CORO7: variants seen among roughly 807,000 people sequenced by gnomAD.
CORO7 encodes coronin 7.
A neutral mutation model predicts 126.6 loss-of-function variants in CORO7; 107 were observed. The observed-to-expected ratio is 0.85, with a 90% CI of 0.72 to 0.99. CORO7 has a LOEUF of 0.99. Among genes scored for constraint, CORO7 ranks in the 50% least tolerant of loss-of-function variants. The pLI, the probability that CORO7 is intolerant of heterozygous loss-of-function variation, is 0.00. For missense variants in CORO7, 1,314 were observed against 1,255.8 expected, an observed-to-expected ratio of 1.05 and a Z score of -0.70; for synonymous variants, 603 against 536.8, an observed-to-expected ratio of 1.12 and a Z score of -1.70.
Position 4,362,212 on chromosome 16 carries a change from G to A in CORO7, c.1403-52C>T, listed in dbSNP as rs112909993. 2.5e-4 allele frequency: 382 copies of A among 1,558,362 alleles called. 5 individuals carry two copies. The highest frequency in any genetic ancestry group is 2.1e-3 in the South Asian group (175 of 84,266). On this transcript the variant is annotated intron_variant, in intron 15 of 27. Coordinates refer to ENST00000251166, the MANE Select transcript of CORO7 (RefSeq NM_024535.5). The surrounding 1 kb of genome is among the most constrained non-coding windows in gnomAD (Gnocchi z 5.3). Reference sequence around the variant, plus strand: ...ACGTGTGAGGATGCCGTCCCCGCCCGCCCTGCACTCTTTGAGTCCCGGCTG... The same window carrying A: ...ACGTGTGAGGATGCCGTCCCCGCCCACCCTGCACTCTTTGAGTCCCGGCTG...
At chr16:4,414,568 C>G (rs935409653) in intron 1 of CORO7, 1 of 152,250 alleles carries the variant, frequency 6.6e-6, no homozygotes, top group African/African-American at 2.4e-5. Context: ...CAGTCCCACC[C>G]TATTATTTCT....
Position 4,364,777 on chromosome 16 carries a change from T to C in CORO7, c.1042A>G (p.Lys348Glu), listed in dbSNP as rs758062699. Residue 348 changes from lysine to glutamate, a missense_variant and splice_region_variant, in exon 12 of 28, where the codon AAG (lysine) becomes GAG (glutamate). Lys to Glu is a moderately conservative substitution (Grantham distance 56). Coordinates refer to ENST00000251166, the MANE Select transcript of CORO7 (RefSeq NM_024535.5). ...TCCCTCGCCCAAGTCCCCCTCACCT[T>C]GCGGGGCACATGGTAGCCGATGGGC... ...IVPIGYHVPRKAVEFHEDLFP... is the reference protein window; with the variant it reads ...IVPIGYHVPREAVEFHEDLFP... 1.2e-6 allele frequency: 2 copies of C among 1,610,324 alleles called. No individual in the cohort carries two copies. Among genetic ancestry groups the C allele is most frequent in the East Asian group, 4.5e-5 (2 of 44,834 alleles).
chr16:4,383,639 C>T (rs1567276895), intron 9 of CORO7: 1 of 166,540 alleles, frequency 6.0e-6, no homozygotes, highest in Non-Finnish European at 1.5e-5. Flanking sequence ...GGGCAGCCCT[C>T]CCAGGTGTCC....
chr16:4,398,614 C>T (rs1019359290), intron 6 of CORO7, among the ~76,000 whole-genome samples: 2 of 149,402 alleles, frequency 1.3e-5, no homozygotes, highest in African/African-American at 4.9e-5. Flanking sequence ...TGCAGTGAAC[C>T]GAGATCATGC....
chr16:4,402,869 T>G (rs1400938408), intron 6 of CORO7, among the ~76,000 whole-genome samples: 29 of 152,086 alleles, frequency 1.9e-4, no homozygotes, highest in Admixed American at 1.8e-3. Flanking sequence ...GCCCCTTCTC[T>G]CCCAGCTCGG....
chr16:4,399,141 T>C (rs1375575520), intron 6 of CORO7, among the ~76,000 whole-genome samples: 1 of 152,134 alleles, frequency 6.6e-6, no homozygotes, highest in African/African-American at 2.4e-5. Context: ...TCTGGGTACA[T>C]ATCCAAAAGA....
chr16:4,381,174 C>T lies in CORO7; in HGVS notation c.785+6812G>A, dbSNP rs370759137. On this transcript the variant is annotated intron_variant, in intron 9 of 27. Transcript: ENST00000251166. Reference sequence around the variant, plus strand: ...TGCCCAGCGGGGTCTTCCAGCCACTCGCCAACCTCAGCAACCTGGACCTGA... The same window carrying T: ...TGCCCAGCGGGGTCTTCCAGCCACTTGCCAACCTCAGCAACCTGGACCTGA... 16 of 1,611,728 alleles carry T rather than the reference C, an allele frequency of 9.9e-6. No homozygotes were observed. In the East Asian group the frequency reaches 1.1e-4, roughly 11 times the overall value.
intron 2 of CORO7, 99 bp from the exon 3 acceptor site, chr16:4,412,529 G>C: frequency 8.1e-7 from 1 of 1,238,278 alleles, no homozygotes; most frequent in Non-Finnish European, 1.2e-6. Context: ...CTCAGCCTCG[G>C]ACCTTCCCAG....
In CORO7 at chr16:4,382,563, C is replaced by A. The variant is rs2055029369; in HGVS notation, c.785+5423G>T. 1.2e-5 allele frequency: 19 copies of A among 1,593,338 alleles called. 1 individual carries two copies. In the South Asian group the frequency reaches 1.5e-4, roughly 12 times the overall value. On this transcript the variant is annotated intron_variant, in intron 9 of 27. Coordinates refer to ENST00000251166, the MANE Select transcript of CORO7 (RefSeq NM_024535.5). ...ATACACCCCCAGCCGTCCACTCCAA[C>A]CACGCCCCAGTCACCCAGGCCCGCG...
chr16:4,395,486 C>T, intron 6 of CORO7, 147 bp from the exon 7 acceptor site: 1 of 1,025,510 alleles, frequency 9.8e-7, no homozygotes. Flanking sequence ...GGCATCCCTC[C>T]TCAGCCCTGT....
chr16:4,365,632 C>T (rs2054325464), intron 9 of CORO7, 87 bp from the exon 10 acceptor site: 2 of 1,514,120 alleles, frequency 1.3e-6, no homozygotes, highest in African/African-American at 1.4e-5. Flanking sequence ...GGACAGGCAC[C>T]ACAGTGACTG....
Position 4,361,085 on chromosome 16 carries a change from C to A in CORO7, c.1775G>T (p.Gly592Val), listed in dbSNP as rs1405215799. 1.9e-6 allele frequency: 3 copies of A among 1,613,292 alleles called. No homozygotes were observed. The highest frequency in any genetic ancestry group is 2.5e-6 in the Non-Finnish European group (3 of 1,180,006). Residue 592 changes from glycine to valine, a missense_variant and splice_region_variant, in exon 19 of 28, where the codon GGC becomes GTC. Transcript: ENST00000251166. ...CAGGGAGCAGATCTTCTCCGTGTGG[C>A]CTGGAGGAAGGCAGGGGTGATCAGG... is the stretch of plus-strand genomic sequence containing the variant. ...VLTTPETVLTGHTEKICSLRF... is the reference protein window; with the variant it reads ...VLTTPETVLTVHTEKICSLRF...
chr16:4,382,074 T>G, intron 9 of CORO7: 1 of 1,584,884 alleles, frequency 6.3e-7, no homozygotes, highest in South Asian at 1.1e-5. Flanking sequence ...CCCCACCGAC[T>G]GTAGGGCCTG....
At chr16:4,407,042 G>A (rs529941434) in intron 5 of CORO7, among the ~76,000 whole-genome samples, 285 of 152,122 alleles carry the variant, frequency 1.9e-3, no homozygotes, top group African/African-American at 6.3e-3. Context: ...CTGCCTCCTG[G>A]GTTGGAGCAA....
intron 9 of CORO7, chr16:4,371,837 T>G (rs1241430060): frequency 1.3e-5 from 2 of 151,770 alleles, no homozygotes; most frequent in Non-Finnish European, 2.9e-5. Context: ...GCGACCTGCC[T>G]CCAGCGAGCC....
chr16:4,355,237 T>G lies in CORO7; in HGVS notation c.2772+49A>C, dbSNP rs9302780. ...GGGAGGAGGCATGCACCGTGGCATG[T>G]GCGAGGGACCGCGCTGCCTGCCGGG... On this transcript the variant is annotated intron_variant, in intron 27 of 27. Transcript: ENST00000251166. 9,382 of 1,607,808 alleles carry G rather than the reference T, an allele frequency of 5.8e-3. 499 individuals are homozygous for G. The African/African-American group carries it at 0.11, about 19-fold the overall frequency.
intron 26 of CORO7, 53 bp downstream of exon 26, chr16:4,357,115 A>T: frequency 3.1e-6 from 5 of 1,608,754 alleles, no homozygotes; most frequent in Non-Finnish European, 4.2e-6. Flanking sequence ...GGCCGTGGCC[A>T]GGTGCAGCCA....
chr16:4,377,045 A>G (rs2054758370), intron 9 of CORO7, among the ~76,000 whole-genome samples: 1 of 152,190 alleles, frequency 6.6e-6, no homozygotes, highest in East Asian at 1.9e-4. Context: ...CACCACGAGC[A>G]GCGCCCACTG....
chr16:4,357,718 T>G, intron 25 of CORO7: 1 of 567,184 alleles, frequency 1.8e-6, no homozygotes, highest in Non-Finnish European at 2.9e-6. Flanking sequence ...GGAGCCTCAC[T>G]GTATAAGCCC....
Sources: allele counts gnomAD v4.1 joint callset (sites outside exome capture counted in the v4.1 genomes callset), GRCh38; gene constraint gnomAD v4.1.1; non-coding constraint Gnocchi (gnomAD v3.1); transcripts MANE v1.5; gene names NCBI Gene and HGNC (gene_info 2026-07-23, HGNC 2026-07-21).